Variants in ABLIM3 observed in about 807,000 individuals in gnomAD.
The protein encoded by ABLIM3 is actin binding LIM protein family member 3.
Under a neutral mutation model 109.5 loss-of-function variants are expected in ABLIM3, and 61 were observed. The ratio of observed to expected loss-of-function variants is 0.56; its 90% CI spans 0.45 to 0.69. The LOEUF is 0.69. Ranked by LOEUF, ABLIM3 falls within the 30% of genes least tolerant of loss-of-function variation. The probability of loss-of-function intolerance (pLI) is 0.00; values close to 1 mark genes in which losing one functional copy is unlikely to be tolerated. For missense variants in ABLIM3, 796 were observed against 889.5 expected, an observed-to-expected ratio of 0.89 and a Z score of 1.34; for synonymous variants, 300 against 324.8, an observed-to-expected ratio of 0.92 and a Z score of 0.82.
Position 149,200,421 on chromosome 5 carries a change from A to G in ABLIM3, c.441A>G (p.Gly147=). 1 of 1,614,174 alleles carries G rather than the reference A, an allele frequency of 6.2e-7. No individual in the cohort carries two copies. The highest frequency in any genetic ancestry group is 1.1e-5 in the South Asian group (1 of 91,080). The part of the protein sequence containing the change: ...MASSKPIKIR[G]PSHCAGCKEE... ...GCAGTAAGCCCATCAAGATTCGTGGACCAAGCCGTGAGTCCTCCCCACGGG... is the reference window on the plus strand; with the variant it reads ...GCAGTAAGCCCATCAAGATTCGTGGGCCAAGCCGTGAGTCCTCCCCACGGG... Residue 147 remains glycine (G), a synonymous_variant, in exon 5 of 24, where the codon GGA becomes GGG. Transcript: ENST00000309868.
At chr5:149,173,142 T>C (rs868416308) in intron 2 of ABLIM3, among the ~76,000 whole-genome samples, 1 of 152,182 alleles carries the variant, frequency 6.6e-6, no homozygotes, top group Non-Finnish European at 1.5e-5. Flanking sequence ...CTCACAGCCC[T>C]GGGGAATGGG....
At chr5:149,163,579 G>A (rs539082697) in intron 2 of ABLIM3, among the ~76,000 whole-genome samples, 8 of 152,054 alleles carry the variant, frequency 5.3e-5, no homozygotes, top group Non-Finnish European at 7.4e-5. Context: ...GTGAGTTCCC[G>A]TGGCTGTCCC....
chr5:149,242,402 T>C, intron 14 of ABLIM3, 89 bp from the exon 15 acceptor site: 1 of 1,351,038 alleles, frequency 7.4e-7, no homozygotes, highest in South Asian at 1.2e-5. Context: ...TCTTCTGAGA[T>C]CAACTGACCA....
chr5:149,215,390 A>G (rs1034482127), intron 7 of ABLIM3, among the ~76,000 whole-genome samples: 30 of 152,208 alleles, frequency 2.0e-4, no homozygotes, highest in South Asian at 1.9e-3. Flanking sequence ...AAACGGGGGG[A>G]AAAAGGAATA....
intron 8 of ABLIM3, among the ~76,000 whole-genome samples, chr5:149,223,558 C>T (rs1426371157): frequency 2.6e-5 from 4 of 152,180 alleles, no homozygotes; most frequent in African/African-American, 9.7e-5. Context: ...ACAGCTGGGT[C>T]GAGGGGCCCG....
chr5:149,200,250 T>C (rs1758365863), intron 4 of ABLIM3, 66 bp from the exon 5 acceptor site: 1 of 1,390,912 alleles, frequency 7.2e-7, no homozygotes, highest in South Asian at 1.2e-5. Flanking sequence ...TTTGAGCACA[T>C]GTGTGGTCAG....
intron 3 of ABLIM3, among the ~76,000 whole-genome samples, chr5:149,191,675 G>C (rs1757488015): frequency 7.1e-6 from 1 of 140,544 alleles, no homozygotes; most frequent in African/African-American, 2.9e-5. Context: ...GTTTAGAAAA[G>C]TGTGAAAAAT....
intron 8 of ABLIM3, chr5:149,217,911 C>T (rs1446771557): frequency 2.0e-5 from 3 of 152,182 alleles, no homozygotes; most frequent in Non-Finnish European, 2.9e-5. Flanking sequence ...TGGTGAGGCT[C>T]ACCCAGCCCT....
At chr5:149,254,363 A>G (rs987002329) in intron 23 of ABLIM3, among the ~76,000 whole-genome samples, 6 of 152,166 alleles carry the variant, frequency 3.9e-5, no homozygotes, top group Non-Finnish European at 8.8e-5. Context: ...TGTGTATCAG[A>G]TCATGGATGT....
chr5:149,216,372 A>T (rs1760086973), intron 7 of ABLIM3, among the ~76,000 whole-genome samples: 1 of 152,182 alleles, frequency 6.6e-6, no homozygotes, highest in South Asian at 2.1e-4. Context: ...GCTAGATTCT[A>T]TTGCATGTGG....
At chr5:149,199,256 A>G (rs772004912) in intron 4 of ABLIM3, 3 of 363,438 alleles carry the variant, frequency 8.3e-6, no homozygotes, top group Non-Finnish European at 1.6e-5. Context: ...GCATGATTAG[A>G]GTATATACGT....
Position 149,195,928 on chromosome 5 carries a change from G to A in ABLIM3, c.152-2291G>A, listed in dbSNP as rs4558973. 7.1e-3 allele frequency among the ~76,000 whole-genome samples: 1,077 copies of A among 152,326 alleles called. 13 individuals are homozygous for A. The highest frequency in any genetic ancestry group is 0.024 in the African/African-American group (995 of 41,550). ...CACACTGAGTTTAAAATGTTTAGGC[G>A]TATAGTAAGCGCTAAAGGAAGCTTT... On this transcript the variant is annotated intron_variant, in intron 3 of 23. Coordinates refer to ENST00000309868, the MANE Select transcript of ABLIM3 (RefSeq NM_014945.5).
In ABLIM3 at chr5:149,169,872, T is replaced by C. The variant is rs192342781; in HGVS notation, c.14-13580T>C. On this transcript the variant is annotated intron_variant, in intron 2 of 23. Transcript: ENST00000309868. ...GTGGTCCTGAAATGTTTGTTTAATT[T>C]AAATTAATGGAAGATTGTGATTTTG... Among the ~76,000 whole-genome samples, 566 of 152,332 alleles carry C rather than the reference T, an allele frequency of 3.7e-3. 2 individuals carry two copies. Among genetic ancestry groups the C allele is most frequent in the Non-Finnish European group, 5.6e-3 (378 of 68,036 alleles).
At chr5:149,153,810 C>T (rs1210876855) in intron 2 of ABLIM3, among the ~76,000 whole-genome samples, 1 of 152,142 alleles carries the variant, frequency 6.6e-6, no homozygotes, top group African/African-American at 2.4e-5. Context: ...TCTCTTAGGC[C>T]TTTTTTCTAA....
At chr5:149,244,537 G>A (rs1753165002) in intron 15 of ABLIM3, 1 of 276,614 alleles carries the variant, frequency 3.6e-6, no homozygotes, top group Admixed American at 4.2e-5. Flanking sequence ...CTTATTTGAG[G>A]AGCCACACCC....
intron 8 of ABLIM3, chr5:149,218,886 T>G (rs10068308): frequency 0.063 from 9,567 of 152,526 alleles, 922 homozygotes; most frequent in African/African-American, 0.21. Flanking sequence ...TCCTGGCACT[T>G]GTCCCTCAGC....
At chr5:149,148,510 A>T (rs537573682) in intron 2 of ABLIM3, among the ~76,000 whole-genome samples, 1 of 152,066 alleles carries the variant, frequency 6.6e-6, no homozygotes, top group African/African-American at 2.4e-5. Context: ...TGAACTCTCA[A>T]CCTATTCCAA....
Position 149,259,865 on chromosome 5 carries a change from G to C in ABLIM3, c.*1461G>C. On this transcript the variant is annotated 3_prime_UTR_variant, in exon 24 of 24. Transcript: ENST00000309868. ...GGCAAATGTAGAACTGACTTAAATT[G>C]AACAAACCCTCACTGAGCACCTCTG... 2 of 455,290 alleles carry C rather than the reference G, an allele frequency of 4.4e-6. No individual in the cohort carries two copies. The highest frequency in any genetic ancestry group is 4.0e-6 in the Non-Finnish European group (1 of 249,200). 28.2% of individuals were successfully genotyped at this position (455,290 alleles called of 1,614,324 possible).
chr5:149,217,286 G>T, intron 8 of ABLIM3: 1 of 548,102 alleles, frequency 1.8e-6, no homozygotes, highest in South Asian at 2.1e-5. Flanking sequence ...CCGCTGCCCA[G>T]CTGGACTGCT....
Sources: allele counts gnomAD v4.1 joint callset (sites outside exome capture counted in the v4.1 genomes callset), GRCh38; gene constraint gnomAD v4.1.1; transcripts MANE v1.5; gene names NCBI Gene and HGNC (gene_info 2026-07-23, HGNC 2026-07-21).